Variants in FAM227B observed in about 807,000 individuals in gnomAD.
FAM227B encodes the protein protein FAM227B.
In FAM227B, 88 loss-of-function variants were observed where a neutral mutation model predicts 73.8. The ratio of observed to expected loss-of-function variants is 1.19; its 90% CI spans 1.00 to 1.42. The LOEUF is 1.42. Among genes scored for constraint, FAM227B ranks in the 40% most tolerant of loss-of-function variants. The pLI is 0.00. For synonymous variants in FAM227B, 210 were observed against 190.5 expected, an observed-to-expected ratio of 1.10 and a Z score of -0.84; for missense variants, 632 against 590.9, an observed-to-expected ratio of 1.07 and a Z score of -0.72.
At chr15:49,409,658 C>T (rs2048746493) in intron 11 of FAM227B, among the ~76,000 whole-genome samples, 1 of 151,866 alleles carries the variant, frequency 6.6e-6, no homozygotes, top group Non-Finnish European at 1.5e-5. Context: ...CTATTTTCTT[C>T]CTGGACAAAA....
intron 3 of FAM227B, among the ~76,000 whole-genome samples, chr15:49,591,821 T>C (rs2152413957): frequency 6.6e-6 from 1 of 152,268 alleles, no homozygotes; most frequent in East Asian, 1.9e-4. Context: ...TTTGTGTATG[T>C]GTGCATGTAT....
chr15:49,607,851 G>A (rs1168851214), intron 3 of FAM227B, among the ~76,000 whole-genome samples: 1 of 152,094 alleles, frequency 6.6e-6, no homozygotes, highest in Non-Finnish European at 1.5e-5. Context: ...ATCATATCTT[G>A]TAGCAGATCA....
chr15:49,365,129 T>C lies in FAM227B; in HGVS notation c.1271+2319A>G, dbSNP rs544206433. The stretch of plus-strand genomic sequence containing the variant: ...TAGCAGTTCCACATAATATTATTGC[T>C]GGACAATCTGTTCACCAGACATCAC... On this transcript the variant is annotated intron_variant, in intron 13 of 15. Coordinates refer to ENST00000299338, the MANE Select transcript of FAM227B (RefSeq NM_152647.3). 6.7e-5 allele frequency: 48 copies of C among 720,472 alleles called. No individual in the cohort carries two copies. In the Admixed American group the frequency reaches 1.0e-3, roughly 15 times the overall value. 44.6% of individuals were successfully genotyped at this position (720,472 alleles called of 1,614,324 possible). A position where few individuals can be genotyped will look rare whatever the true frequency, so the allele number is the denominator to read the frequency against.
chr15:49,609,116 T>C (rs896488102), intron 3 of FAM227B, among the ~76,000 whole-genome samples: 3 of 151,702 alleles, frequency 2.0e-5, no homozygotes, highest in Non-Finnish European at 2.9e-5. Context: ...AGTGAATGAA[T>C]AGGATAAGTA....
chr15:49,457,907 G>A (rs2053457979), intron 11 of FAM227B, among the ~76,000 whole-genome samples: 1 of 151,906 alleles, frequency 6.6e-6, no homozygotes, highest in Non-Finnish European at 1.5e-5. Context: ...TTTAGCACAA[G>A]TTAAACATTT....
intron 11 of FAM227B, among the ~76,000 whole-genome samples, chr15:49,504,067 A>T (rs1400566036): frequency 6.6e-6 from 1 of 152,074 alleles, no homozygotes; most frequent in Admixed American, 6.5e-5. Flanking sequence ...AAAATGTGGC[A>T]CATATACACC....
intron 3 of FAM227B, among the ~76,000 whole-genome samples, chr15:49,599,286 T>C (rs192419602): frequency 6.6e-6 from 1 of 152,218 alleles, no homozygotes; most frequent in African/African-American, 2.4e-5. Flanking sequence ...TCAACTTCAA[T>C]GTCTCCTCTT....
At chr15:49,387,966 TGAAA>T (rs1459816367) in intron 11 of FAM227B, among the ~76,000 whole-genome samples, 2 of 151,862 alleles carry the variant, frequency 1.3e-5, no homozygotes, top group East Asian at 1.9e-4. Flanking sequence ...AAGACACTGC[TGAAA>T]GAAATTATAG....
At chr15:49,332,857 TA>T (rs1350443369) in intron 14 of FAM227B, among the ~76,000 whole-genome samples, 1 of 152,164 alleles carries the variant, frequency 6.6e-6, no homozygotes, top group African/African-American at 2.4e-5. Flanking sequence ...TGGGATTACT[TA>T]GTCGGAGGTT....
Position 49,553,861 on chromosome 15 carries a change from G to C in FAM227B, c.748-12055C>G, listed in dbSNP as rs80023777. Among the ~76,000 whole-genome samples the C allele has an allele frequency of 2.7e-3, 411 of 152,246 alleles. 3 individuals are homozygous for C. Among genetic ancestry groups the C allele is most frequent in the African/African-American group, 9.5e-3 (394 of 41,542 alleles). On this transcript the variant is annotated intron_variant, in intron 9 of 15. Coordinates refer to ENST00000299338, the MANE Select transcript of FAM227B (RefSeq NM_152647.3). ...CCAAGAGTCAAGTCCTGGAATTGGG[G>C]ACCCCAAGAGCACAGCTGATGCTCT... is the stretch of plus-strand genomic sequence containing the variant.
chr15:49,430,945 A>C (rs2050559581), intron 11 of FAM227B, among the ~76,000 whole-genome samples: 1 of 148,344 alleles, frequency 6.7e-6, no homozygotes, highest in African/African-American at 2.5e-5. Flanking sequence ...TTCTCTTTTT[A>C]AGACTGGAAT....
At chr15:49,362,144 G>A (rs2044351023) in intron 13 of FAM227B, among the ~76,000 whole-genome samples, 1 of 151,972 alleles carries the variant, frequency 6.6e-6, no homozygotes, top group African/African-American at 2.4e-5. Flanking sequence ...GTTTGGCTCT[G>A]TGTCCCCACC....
chr15:49,551,882 T>A (rs954026452), intron 9 of FAM227B, among the ~76,000 whole-genome samples: 9 of 152,236 alleles, frequency 5.9e-5, no homozygotes, highest in Non-Finnish European at 1.3e-4. Context: ...ATGGTTTAAA[T>A]TTGTCCCCCC....
intron 11 of FAM227B, among the ~76,000 whole-genome samples, chr15:49,433,586 TA>T (rs995974887): frequency 3.3e-5 from 5 of 150,060 alleles, no homozygotes; most frequent in South Asian, 2.1e-4. Flanking sequence ...TCTCTATCAC[TA>T]AAAAAAAATG....
Position 49,450,636 on chromosome 15 carries a change from G to A in FAM227B, c.1012+57575C>T, listed in dbSNP as rs114838045. On this transcript the variant is annotated intron_variant, in intron 11 of 15. Transcript: ENST00000299338. ...AATTCAAGGGCTGCAGCCAGCAAGA[G>A]TCTGGATAAGAAAGACATTTCAGAG... Among the ~76,000 whole-genome samples the A allele has an allele frequency of 5.6e-3, 848 of 152,242 alleles. 6 individuals carry two copies. The highest frequency in any genetic ancestry group is 0.019 in the African/African-American group (808 of 41,560).
intron 3 of FAM227B, among the ~76,000 whole-genome samples, chr15:49,591,512 G>A: frequency 1.1e-5 from 1 of 88,782 alleles, no homozygotes; most frequent in Non-Finnish European, 2.1e-5. Flanking sequence ...TTTTTTTGGA[G>A]TCTTGCTCTG....
At chr15:49,462,584 C>G (rs1427054089) in intron 11 of FAM227B, among the ~76,000 whole-genome samples, 1 of 152,210 alleles carries the variant, frequency 6.6e-6, no homozygotes, top group African/African-American at 2.4e-5. Flanking sequence ...TGGCACAGAA[C>G]TGGAAAGTAT....
At chr15:49,544,699 G>A (rs1288134692) in intron 9 of FAM227B, among the ~76,000 whole-genome samples, 1 of 152,024 alleles carries the variant, frequency 6.6e-6, no homozygotes, top group Non-Finnish European at 1.5e-5. Context: ...ATTTTGCTGA[G>A]GGTTTTAATC....
At chr15:49,604,628 A>C (rs989940703) in intron 3 of FAM227B, among the ~76,000 whole-genome samples, 2 of 151,852 alleles carry the variant, frequency 1.3e-5, no homozygotes, top group Non-Finnish European at 2.9e-5. Flanking sequence ...TCTTTCTTTA[A>C]ATAAGCTTTC....
Sources: gnomAD v4.1 joint callset for allele counts (sites outside exome capture counted in the v4.1 genomes callset) on GRCh38, gnomAD v4.1.1 for gene constraint, MANE v1.5 for transcripts, NCBI Gene and HGNC (gene_info 2026-07-23, HGNC 2026-07-21) for gene names.